DENND2B: variants seen among roughly 807,000 people sequenced by gnomAD.
DENND2B encodes DENN domain-containing protein 2B.
Under a neutral mutation model 116.0 loss-of-function variants are expected in DENND2B, and 32 were observed. That is an observed-to-expected ratio of 0.28 (90% confidence interval 0.21 to 0.37). The LOEUF (loss-of-function observed/expected upper bound fraction) is 0.37, where lower values mean the gene tolerates loss of function less well. Ranked by LOEUF, DENND2B falls within the 10% of genes least tolerant of loss-of-function variation. The probability of loss-of-function intolerance (pLI) is 1.00; values close to 1 mark genes in which losing one functional copy is unlikely to be tolerated. For synonymous variants in DENND2B, 588 were observed against 583.9 expected, an observed-to-expected ratio of 1.01 and a Z score of -0.10; for missense variants, 1,276 against 1,477.7, an observed-to-expected ratio of 0.86 and a Z score of 2.24.
chr11:8,724,979 G>C (rs2046842062), intron 4 of DENND2B, among the ~76,000 whole-genome samples: 1 of 152,234 alleles, frequency 6.6e-6, no homozygotes, highest in South Asian at 2.1e-4. Flanking sequence ...CCGCCCCATG[G>C]GACTTAGGCA....
At chr11:8,812,845 G>C (rs1044348886), upstream of DENND2B, among the ~76,000 whole-genome samples, 9 of 152,252 alleles carry the variant, frequency 5.9e-5, no homozygotes, top group Admixed American at 3.9e-4. Flanking sequence ...AAAAACACTG[G>C]GACAGTTAAT....
intron 4 of DENND2B, among the ~76,000 whole-genome samples, chr11:8,720,126 A>C (rs575025469): frequency 4.6e-5 from 7 of 152,280 alleles, no homozygotes; most frequent in Non-Finnish European, 8.8e-5. Flanking sequence ...GGAGGGAGGC[A>C]GGAATGGAGG....
At chr11:8,888,190 T>G (rs2063983776) in intron 1 of DENND2B, among the ~76,000 whole-genome samples, 1 of 152,200 alleles carries the variant, frequency 6.6e-6, no homozygotes, top group Non-Finnish European at 1.5e-5. Context: ...ATTTCGGCTC[T>G]TAGTGTAGTG....
intron 1 of DENND2B, among the ~76,000 whole-genome samples, chr11:8,781,005 A>G (rs74053200): frequency 0.06 from 9,167 of 152,176 alleles, 584 homozygotes; most frequent in African/African-American, 0.16. Flanking sequence ...AGGTGGAAAC[A>G]GACAGGAGAC....
intron 1 of DENND2B, among the ~76,000 whole-genome samples, chr11:8,800,563 C>T (rs1296295962): frequency 6.6e-6 from 1 of 152,192 alleles, no homozygotes; most frequent in Non-Finnish European, 1.5e-5. Context: ...ACATTGTAAA[C>T]ACCCTCACTC....
intron 1 of DENND2B, among the ~76,000 whole-genome samples, chr11:8,805,034 A>G (rs559259723): frequency 4.6e-5 from 7 of 152,340 alleles, no homozygotes; most frequent in South Asian, 4.1e-4. Flanking sequence ...TCCTTACCAC[A>G]ACTCTATCAA....
intron 1 of DENND2B, among the ~76,000 whole-genome samples, chr11:8,807,390 G>A (rs950646424): frequency 5.9e-5 from 9 of 152,114 alleles, no homozygotes; most frequent in African/African-American, 2.2e-4. Context: ...GTGGGGAGTG[G>A]GGCACAGCCT....
At chr11:8,750,078 T>C (rs1207100763) in intron 2 of DENND2B, among the ~76,000 whole-genome samples, 1 of 152,222 alleles carries the variant, frequency 6.6e-6, no homozygotes, top group Non-Finnish European at 1.5e-5. Flanking sequence ...TATTATTTTA[T>C]AGATGAAATA....
At chr11:8,695,423 C>T (rs1418583548) in intron 19 of DENND2B, 40 bp downstream of exon 19, 5 of 1,580,000 alleles carry the variant, frequency 3.2e-6, no homozygotes, top group Non-Finnish European at 4.3e-6. Flanking sequence ...CCCCTTCCTT[C>T]TTGCTGAACA....
At chr11:8,773,990 G>T in intron 1 of DENND2B, 1 of 441,234 alleles carries the variant, frequency 2.3e-6, no homozygotes, top group Non-Finnish European at 3.0e-6. Flanking sequence ...GCCTCTACCA[G>T]CTATGAAGCT....
intron 2 of DENND2B, among the ~76,000 whole-genome samples, chr11:8,876,542 G>A (rs570465679): frequency 1.3e-5 from 2 of 152,134 alleles, no homozygotes; most frequent in South Asian, 4.1e-4. Context: ...ATTTTATCCT[G>A]CTATGTTGTT....
chr11:8,881,825 G>A (rs1029402239), intron 1 of DENND2B, among the ~76,000 whole-genome samples: 7 of 152,182 alleles, frequency 4.6e-5, no homozygotes, highest in Admixed American at 3.3e-4. Context: ...GATTACAGGC[G>A]TGAGCCAGCA....
intron 2 of DENND2B, among the ~76,000 whole-genome samples, chr11:8,746,691 G>A (rs567075261): frequency 6.6e-6 from 1 of 152,314 alleles, no homozygotes; most frequent in Non-Finnish European, 1.5e-5. Context: ...TTAGAGAACA[G>A]TGAACTATTA....
chr11:8,841,173 C>T (rs1308103943), intron 3 of DENND2B, among the ~76,000 whole-genome samples: 2 of 152,040 alleles, frequency 1.3e-5, no homozygotes, highest in Non-Finnish European at 2.9e-5. Context: ...AGCCCATTTT[C>T]TTGACTTGTT....
chr11:8,716,568 A>G (rs1430819945), intron 5 of DENND2B, among the ~76,000 whole-genome samples: 1 of 151,802 alleles, frequency 6.6e-6, no homozygotes, highest in Non-Finnish European at 1.5e-5. Flanking sequence ...ACAGCCCCCA[A>G]TTTCCTGTTC....
chr11:8,866,643 T>A (rs2063590918), intron 2 of DENND2B, among the ~76,000 whole-genome samples: 1 of 152,166 alleles, frequency 6.6e-6, no homozygotes, highest in African/African-American at 2.4e-5. Flanking sequence ...TGTGACCACC[T>A]CTATCTGGCC....
chr11:8,880,035 T>C (rs1020802567), intron 2 of DENND2B, among the ~76,000 whole-genome samples: 10 of 152,276 alleles, frequency 6.6e-5, no homozygotes, highest in Admixed American at 5.9e-4. Context: ...TTTTCATGCA[T>C]CTACTCTATT....
chr11:8,738,263 TCA>T (rs1157015572), intron 2 of DENND2B, among the ~76,000 whole-genome samples: 1 of 152,246 alleles, frequency 6.6e-6, no homozygotes, highest in Non-Finnish European at 1.5e-5. Flanking sequence ...GCTTTACGCT[TCA>T]GTTGATCACT....
intron 2 of DENND2B, among the ~76,000 whole-genome samples, chr11:8,732,456 CT>C (rs1328968185): frequency 6.6e-6 from 1 of 152,210 alleles, no homozygotes. Context: ...GCCTCTGCCA[CT>C]TTCTGAACTG....
Sources: allele counts gnomAD v4.1 joint callset (sites outside exome capture counted in the v4.1 genomes callset), GRCh38; gene constraint gnomAD v4.1.1; transcripts MANE v1.5; gene names NCBI Gene and HGNC (gene_info 2026-07-23, HGNC 2026-07-21).